The following CRYBG3 variants were observed in gnomAD, a reference collection of about 807,000 sequenced individuals.
CRYBG3 encodes crystallin beta-gamma domain containing 3, also known as very large A-kinase anchor protein.
In CRYBG3, 127 loss-of-function variants were observed where a neutral mutation model predicts 244.2. The observed-to-expected ratio is 0.52, with a 90% CI of 0.45 to 0.60. CRYBG3 has a LOEUF of 0.60. Among genes scored for constraint, CRYBG3 ranks in the 20% least tolerant of loss-of-function variants. CRYBG3 has a pLI of 0.00. For synonymous variants in CRYBG3, 1,132 were observed against 1,195.8 expected, an observed-to-expected ratio of 0.95 and a Z score of 1.10; for missense variants, 3,325 against 3,442.5, an observed-to-expected ratio of 0.97 and a Z score of 0.85.
At chr3:97,917,596 A>C (rs2108254646) in intron 17 of CRYBG3, among the ~76,000 whole-genome samples, 1 of 152,234 alleles carries the variant, frequency 6.6e-6, no homozygotes, top group Non-Finnish European at 1.5e-5. Context: ...CCAAAGCCTT[A>C]AGTTGATCAG....
rs139765072 is a variant in CRYBG3 at position 97,846,180 on chromosome 3, T to C, written c.216+2919T>C. 4.5e-4 allele frequency among the ~76,000 whole-genome samples: 69 copies of C among 152,344 alleles called. 1 individual carries two copies. The highest frequency in any genetic ancestry group is 1.2e-3 in the Admixed American group (19 of 15,302). The stretch of plus-strand genomic sequence containing the variant: ...TTTAACCAGTTGAAACACTTTTTTT[T>C]CAAGTCTTTCTCTCCTTTTTAGAAA... On this transcript the variant is annotated intron_variant, in intron 2 of 21. Coordinates refer to ENST00000389622, the MANE Select transcript of CRYBG3 (RefSeq NM_153605.4).
chr3:97,864,812 A>G (rs918275564), intron 3 of CRYBG3, among the ~76,000 whole-genome samples, 165 bp downstream of exon 3: 21 of 152,140 alleles, frequency 1.4e-4, no homozygotes, highest in Non-Finnish European at 1.5e-5. Context: ...CAAGTAATCA[A>G]TCATGGTACA....
rs533800811 is a variant in CRYBG3 at position 97,851,279 on chromosome 3, C to T, written c.216+8018C>T. 1.5e-3 allele frequency among the ~76,000 whole-genome samples: 230 copies of T among 152,126 alleles called. 1 individual carries two copies. Among genetic ancestry groups the T allele is most frequent in the Non-Finnish European group, 2.0e-3 (139 of 68,012 alleles). On this transcript the variant is annotated intron_variant, in intron 2 of 21. Coordinates refer to ENST00000389622, the MANE Select transcript of CRYBG3 (RefSeq NM_153605.4). The stretch of plus-strand genomic sequence containing the variant: ...CTTTTGGCAAAATTTCCAAGTAATA[C>T]GCGGCAGCCAGATGTCTTAGTAGAA...
chr3:97,932,822 G>A (rs2040113225), intron 17 of CRYBG3, among the ~76,000 whole-genome samples: 2 of 151,998 alleles, frequency 1.3e-5, no homozygotes, highest in South Asian at 4.1e-4. Context: ...TGCACAGAAT[G>A]TTTTCCCTCT....
At chr3:97,847,191 C>G (rs552068693) in intron 2 of CRYBG3, among the ~76,000 whole-genome samples, 1 of 152,172 alleles carries the variant, frequency 6.6e-6, no homozygotes, top group Admixed American at 6.5e-5. Flanking sequence ...CCTCCAACAT[C>G]AGGGATTATA....
intron 17 of CRYBG3, among the ~76,000 whole-genome samples, chr3:97,929,722 C>T (rs764268483): frequency 6.6e-6 from 1 of 151,970 alleles, no homozygotes; most frequent in Non-Finnish European, 1.5e-5. Flanking sequence ...TATTGGCTTA[C>T]CTTCTTTGCC....
intron 1 of CRYBG3, among the ~76,000 whole-genome samples, chr3:97,838,918 C>T (rs1174532509): frequency 1.3e-5 from 2 of 151,874 alleles, no homozygotes; most frequent in Non-Finnish European, 2.9e-5. Context: ...ATGTTGGATT[C>T]GTTTTCAGCC....
chr3:97,905,765 A>C (rs2039765920), intron 15 of CRYBG3, among the ~76,000 whole-genome samples: 1 of 80,354 alleles, frequency 1.2e-5, no homozygotes, highest in African/African-American at 3.6e-5. Flanking sequence ...CCCATTTGTC[A>C]ATTTTGGCTT....
intron 10 of CRYBG3, among the ~76,000 whole-genome samples, chr3:97,892,656 T>G (rs1201900944): frequency 6.6e-6 from 1 of 152,102 alleles, no homozygotes; most frequent in African/African-American, 2.4e-5. Flanking sequence ...TTATAACAAG[T>G]TAGTAGAAGT....
Position 97,872,319 on chromosome 3 carries a change from C to A in CRYBG3, c.1125C>A (p.Asn375Lys). Residue 375 changes from asparagine (N) to lysine (K), a missense_variant, in exon 4 of 22, where the codon AAC becomes AAA. Physicochemically the swap from Asn to Lys is moderately conservative, Grantham distance 94 (BLOSUM62 0). Transcript: ENST00000389622. Reference sequence around the variant, plus strand: ...GTTGTGAACCGGTTTCTCAGACTAACAGAAATTTGGTATGTTCAGCATTGT... The same window carrying A: ...GTTGTGAACCGGTTTCTCAGACTAAAAGAAATTTGGTATGTTCAGCATTGT... Reference protein sequence around the residue: ...HLSCEPVSQTNRNLVCSALLT... With the variant: ...HLSCEPVSQTKRNLVCSALLT... The A allele has an allele frequency of 6.5e-7, 1 of 1,535,932 alleles. No individual in the cohort carries two copies. The highest frequency in any genetic ancestry group is 8.7e-7 in the Non-Finnish European group (1 of 1,146,818).
chr3:97,912,147 T>G lies in CRYBG3; in HGVS notation c.8005-20T>G. 7.3e-7 allele frequency: 1 copy of G among 1,361,298 alleles called. No homozygotes were observed. The highest frequency in any genetic ancestry group is 1.0e-6 in the Non-Finnish European group (1 of 973,156). The allele number at this position is 1,361,298 out of a possible 1,614,324, so 84.3% of individuals were successfully genotyped here. A position where few individuals can be genotyped will look rare whatever the true frequency, so the allele number is the denominator to read the frequency against. On this transcript the variant is annotated intron_variant, in intron 15 of 21. Coordinates refer to ENST00000389622, the MANE Select transcript of CRYBG3 (RefSeq NM_153605.4). ...AGACCATTTTTTTTCTATTTAACTGTTGTGTTGTTGTTCTTGTAGCTCAAA... is the reference window on the plus strand; with the variant it reads ...AGACCATTTTTTTTCTATTTAACTGGTGTGTTGTTGTTCTTGTAGCTCAAA...
At chr3:97,884,354 GT>G (rs1237210940) in intron 7 of CRYBG3, among the ~76,000 whole-genome samples, 4 of 151,674 alleles carry the variant, frequency 2.6e-5, no homozygotes, top group Non-Finnish European at 5.9e-5. Flanking sequence ...TGTATTTAAG[GT>G]TTTTTTTAAA....
intron 1 of CRYBG3, among the ~76,000 whole-genome samples, chr3:97,833,734 T>C (rs2038689712): frequency 6.6e-6 from 1 of 152,034 alleles, no homozygotes; most frequent in Non-Finnish European, 1.5e-5. Context: ...AAAAAATTGC[T>C]AAAAGATTAC....
intron 1 of CRYBG3, among the ~76,000 whole-genome samples, chr3:97,835,663 T>C (rs2038722474): frequency 6.6e-6 from 1 of 152,098 alleles, no homozygotes. Context: ...TCCACACATA[T>C]ATTATCTGTT....
intron 15 of CRYBG3, 56 bp downstream of exon 15, chr3:97,900,541 C>T (rs972794113): frequency 2.9e-5 from 31 of 1,055,050 alleles, no homozygotes; most frequent in Non-Finnish European, 4.3e-5. Context: ...GCATTTATAC[C>T]CTTTCTCTCA....
chr3:97,830,129 A>T, intron 1 of CRYBG3, among the ~76,000 whole-genome samples: 1 of 152,270 alleles, frequency 6.6e-6, no homozygotes, highest in East Asian at 1.9e-4. Context: ...ATTTCTATGA[A>T]TATTTAGCTG....
At chr3:97,900,261 T>C (rs1009493566) in intron 14 of CRYBG3, among the ~76,000 whole-genome samples, 192 bp from the exon 15 acceptor site, 1 of 152,052 alleles carries the variant, frequency 6.6e-6, no homozygotes, top group Non-Finnish European at 1.5e-5. Flanking sequence ...GTTGGGAGGA[T>C]CGCTTGAGCC....
intron 3 of CRYBG3, among the ~76,000 whole-genome samples, 157 bp downstream of exon 3, chr3:97,864,804 A>G (rs2039203105): frequency 6.6e-6 from 1 of 152,136 alleles, no homozygotes; most frequent in African/African-American, 2.4e-5. Flanking sequence ...GTACCATACA[A>G]GTAATCAATC....
chr3:97,864,611 C>T lies in CRYBG3; in HGVS notation c.611C>T (p.Thr204Ile), dbSNP rs1458674123. The T allele has an allele frequency of 1.3e-6, 2 of 1,529,780 alleles. No homozygotes were observed. Among genetic ancestry groups the T allele is most frequent in the East Asian group, 2.4e-5 (1 of 40,848 alleles). The allele number at this position is 1,529,780 out of a possible 1,614,324, so 94.8% of individuals were successfully genotyped here. The change falls in exon 3 of 22, where the codon ACA (threonine) becomes ATA (isoleucine). Residue 204 changes from threonine (T) to isoleucine (I), a missense_variant. Physicochemically the swap from Thr to Ile is moderately conservative, Grantham distance 89. Coordinates refer to ENST00000389622, the MANE Select transcript of CRYBG3 (RefSeq NM_153605.4). ...ELSDAFSLDT[T>I]QDSDQETTNL... The stretch of plus-strand genomic sequence containing the variant: ...TCAGATGCTTTTTCTTTGGATACAA[C>T]ACAAGACAGTGACCAAGAAACCACT...
Sources: allele counts gnomAD v4.1 joint callset (sites outside exome capture counted in the v4.1 genomes callset), GRCh38; gene constraint gnomAD v4.1.1; transcripts MANE v1.5; gene names NCBI Gene and HGNC (gene_info 2026-07-23, HGNC 2026-07-21).